The following CDON variants were observed in gnomAD, a reference collection of about 807,000 sequenced individuals.
The protein encoded by CDON is cell adhesion molecule-related/down-regulated by oncogenes.
CDON carries 73 observed loss-of-function variants against 120.9 expected under a neutral mutation model. That is an observed-to-expected ratio of 0.60 (90% CI 0.50 to 0.73). The LOEUF is 0.73. Ranked by LOEUF, CDON falls within the 30% of genes least tolerant of loss-of-function variation. CDON has a pLI of 0.00. For missense variants in CDON, 1,470 were observed against 1,587.3 expected (o/e 0.93, Z 1.26); for synonymous variants, 566 against 573.5 (o/e 0.99, Z 0.19).
chr11:126,019,837 A>C, intron 3 of CDON, 72 bp from the exon 4 acceptor site: 1 of 1,381,416 alleles, frequency 7.2e-7, no homozygotes, highest in Middle Eastern at 2.5e-4. Flanking sequence ...GAAATTTACA[A>C]ATTAGAAACA....
intron 1 of CDON, among the ~76,000 whole-genome samples, chr11:126,043,536 C>T (rs1204248309): frequency 1.3e-5 from 2 of 152,206 alleles, no homozygotes; most frequent in African/African-American, 4.8e-5. Flanking sequence ...CTACCAGTGA[C>T]ATTGTTACCA....
chr11:125,977,636 C>A (rs986177851), intron 18 of CDON, among the ~76,000 whole-genome samples: 1 of 152,142 alleles, frequency 6.6e-6, no homozygotes, highest in African/African-American at 2.4e-5. Context: ...TTTAATACAA[C>A]AAAAAGCTTG....
rs1264067811 is a variant in CDON at position 125,997,364 on chromosome 11, T to C, written c.2205A>G (p.Thr735=). The C allele has an allele frequency of 3.7e-6, 6 of 1,614,018 alleles. No individual in the cohort carries two copies. The Admixed American group carries it at 1.0e-4, about 27-fold the overall frequency. The change falls in exon 12 of 20, where the codon ACA becomes ACG. Residue 735 remains threonine (T), a synonymous_variant. Transcript: ENST00000531738. ...GAGGAATCCAAGTGACATAGACTGATGTCTCTGATGCAGTGGAGATGGTAG... is the reference window on the plus strand; with the variant it reads ...GAGGAATCCAAGTGACATAGACTGACGTCTCTGATGCAGTGGAGATGGTAG... ...DRPTISTASE[T]SVYVTWIPRA... is the part of the protein sequence containing the mutation.
chr11:126,012,311 CT>C (rs1279731556), intron 7 of CDON, among the ~76,000 whole-genome samples: 1 of 152,104 alleles, frequency 6.6e-6, no homozygotes, highest in African/African-American at 2.4e-5. Context: ...ATATCTCTTC[CT>C]ATATAACTGG....
At chr11:126,021,080 G>A (rs902914531) in intron 3 of CDON, among the ~76,000 whole-genome samples, 168 bp downstream of exon 3, 16 of 151,968 alleles carry the variant, frequency 1.1e-4, no homozygotes, top group African/African-American at 3.9e-4. Flanking sequence ...CAGGCTCACA[G>A]AGGTCTAAGT....
intron 1 of CDON, among the ~76,000 whole-genome samples, chr11:126,045,119 G>C (rs1347186268): frequency 6.6e-6 from 1 of 152,158 alleles, no homozygotes; most frequent in South Asian, 2.1e-4. Flanking sequence ...TCCGCCTCCA[G>C]GGTGCAAGCG....
In CDON at chr11:126,010,677, C is replaced by T. The variant is rs771565069; in HGVS notation, c.1216G>A (p.Val406Ile). The change falls in exon 8 of 20, where the codon GTT (valine) becomes ATT (isoleucine). Residue 406 changes from valine to isoleucine, a missense_variant. Val to Ile is a conservative substitution (Grantham distance 29, BLOSUM62 3). Coordinates refer to ENST00000531738, the MANE Select transcript of CDON (RefSeq NM_001378964.1). ...GCACTTACTGGTGCCGTAATTATAA[C>T]TGGCTTGAATCCACCGTCTATTAAA... ...EIENDGGFKP[V>I]IITAPVSAKV... is the part of the protein sequence containing the mutation. The T allele has an allele frequency of 1.8e-5, 29 of 1,613,964 alleles. No homozygotes were observed. The highest frequency in any genetic ancestry group is 2.0e-5 in the Non-Finnish European group (24 of 1,179,940).
In CDON at chr11:125,997,373, T is replaced by G. The variant is rs768523009; in HGVS notation, c.2196A>C (p.Ala732=). Residue 732 remains alanine, a synonymous_variant, in exon 12 of 20, where the codon GCA becomes GCC. Transcript: ENST00000531738. ...EAPDRPTIST[A]SETSVYVTWI... is the part of the protein sequence containing the mutation. ...AAGTGACATAGACTGATGTCTCTGA[T>G]GCAGTGGAGATGGTAGGCCGATCTG... 6.2e-7 allele frequency: 1 copy of G among 1,613,938 alleles called. No homozygotes were observed.
At chr11:125,984,556 G>A (rs1946409024) in intron 15 of CDON, among the ~76,000 whole-genome samples, 1 of 152,150 alleles carries the variant, frequency 6.6e-6, no homozygotes, top group Admixed American at 6.5e-5. Context: ...AATTAGCTGG[G>A]CGTGGCGGTG....
Position 126,014,819 on chromosome 11 carries a change from A to T in CDON, c.1198+422T>A, listed in dbSNP as rs984410351. 13 of 159,088 alleles carry T rather than the reference A, an allele frequency of 8.2e-5. No homozygotes were observed. In the East Asian group the frequency reaches 9.0e-4, roughly 11 times the overall value. The allele number at this position is 159,088 out of a possible 1,614,324, so 9.9% of individuals were successfully genotyped here. On this transcript the variant is annotated intron_variant, in intron 7 of 19. Coordinates refer to ENST00000531738, the MANE Select transcript of CDON (RefSeq NM_001378964.1). ...TAAAGAATGCTACCACTATTTAGGT[A>T]AAAAAAACAAAAAAAGGTATTGTTA...
In CDON at chr11:126,010,514, G is replaced by A. The variant is rs1366700112; in HGVS notation, c.1379C>T (p.Ser460Leu). The A allele has an allele frequency of 2.5e-6, 4 of 1,614,018 alleles. No homozygotes were observed. The highest frequency in any genetic ancestry group is 3.4e-6 in the Non-Finnish European group (4 of 1,180,024). ...SQVLRSKSRKSQLSRPEGLNL... is the reference protein window; with the variant it reads ...SQVLRSKSRKLQLSRPEGLNL... ...CAAGCCCTCAGGTCTTGATAACTGT[G>A]ATTTTCGGGATTTCGATCTCAGGAC... Residue 460 changes from serine (S) to leucine (L), a missense_variant, in exon 8 of 20, where the codon TCA (serine) becomes TTA (leucine). Ser to Leu is a moderately radical substitution (Grantham distance 145, BLOSUM62 -2). Coordinates refer to ENST00000531738, the MANE Select transcript of CDON (RefSeq NM_001378964.1).
At chr11:126,028,834 T>C (rs1947872879) in intron 1 of CDON, among the ~76,000 whole-genome samples, 1 of 141,970 alleles carries the variant, frequency 7.0e-6, no homozygotes, top group Non-Finnish European at 1.5e-5. Flanking sequence ...TGTGTGTGTG[T>C]ATATATATAT....
rs78312405 is a variant in CDON at position 126,021,550 on chromosome 11, A to T, written c.77-30T>A. On this transcript the variant is annotated intron_variant, in intron 2 of 19. Coordinates refer to ENST00000531738, the MANE Select transcript of CDON (RefSeq NM_001378964.1). ...AAGGGAATATTCCCCATATGCAAAGAAAGCAGGGGAGAAAAGAGGAGAGAG... is the reference window on the plus strand; with the variant it reads ...AAGGGAATATTCCCCATATGCAAAGTAAGCAGGGGAGAAAAGAGGAGAGAG... 4.5e-3 allele frequency: 7,151 copies of T among 1,602,436 alleles called. 261 individuals are homozygous for T. The African/African-American group carries it at 0.082, about 18-fold the overall frequency.
At chr11:126,044,155 A>G (rs1232597198) in intron 1 of CDON, among the ~76,000 whole-genome samples, 1 of 152,240 alleles carries the variant, frequency 6.6e-6, no homozygotes, top group African/African-American at 2.4e-5. Flanking sequence ...ACGACCTTAC[A>G]CAAAGCAGGA....
At chr11:126,024,971 G>C (rs1947752428) in intron 1 of CDON, among the ~76,000 whole-genome samples, 1 of 152,158 alleles carries the variant, frequency 6.6e-6, no homozygotes, top group Admixed American at 6.5e-5. Context: ...TTGGGAAGCT[G>C]AGGAAGGCGG....
intron 1 of CDON, among the ~76,000 whole-genome samples, chr11:126,031,016 GA>G (rs1420776128): frequency 1.3e-5 from 2 of 152,140 alleles, no homozygotes; most frequent in South Asian, 2.1e-4. Context: ...CAAACTAAAG[GA>G]AACTGCTCAA....
At position 126,004,065 on chromosome 11, in the gene CDON, C is replaced by T. The variant is rs768162475; in HGVS notation, c.1863G>A (p.Gly621=). The T allele has an allele frequency of 6.2e-7, 1 of 1,613,932 alleles. No individual in the cohort carries two copies. Among genetic ancestry groups the T allele is most frequent in the Non-Finnish European group, 8.5e-7 (1 of 1,179,988 alleles). The part of the protein sequence containing the change: ...YFVKYRKLDD[G]VGMLGSWHTV... Reference sequence around the variant, plus strand: ...TGTGCCAGCTTCCCAGCATGCCAACCCCATCATCCAGCTGCCCAAGAGAAA... The same window carrying T: ...TGTGCCAGCTTCCCAGCATGCCAACTCCATCATCCAGCTGCCCAAGAGAAA... Residue 621 remains glycine, a synonymous_variant, in exon 10 of 20, where the codon GGG becomes GGA. Coordinates refer to ENST00000531738, the MANE Select transcript of CDON (RefSeq NM_001378964.1).
intron 18 of CDON, among the ~76,000 whole-genome samples, chr11:125,971,411 T>TA (rs11404576): frequency 0.24 from 36,257 of 148,908 alleles, 4,763 homozygotes; most frequent in Non-Finnish European, 0.29. Flanking sequence ...AATAAATAAA[T>TA]AATAATAATT....
intron 16 of CDON, among the ~76,000 whole-genome samples, chr11:125,981,963 C>CTTTTTTTTTTTTTTTTTT (rs1565501813): frequency 2.0e-4 from 7 of 34,154 alleles, no homozygotes; most frequent in Admixed American, 1.8e-3. Context: ...AAAAGTGATT[C>CTTTTTTTTTTTTTTTTTT]TATTTTCTTT....
Sources: allele counts gnomAD v4.1 joint callset (sites outside exome capture counted in the v4.1 genomes callset), GRCh38; gene constraint gnomAD v4.1.1; transcripts MANE v1.5; gene names NCBI Gene and HGNC (gene_info 2026-07-23, HGNC 2026-07-21).